SLC6A15: variants seen among roughly 807,000 people sequenced by gnomAD.
The protein encoded by SLC6A15 is sodium-dependent neutral amino acid transporter B(0)AT2.
SLC6A15 carries 33 observed loss-of-function variants against 68.5 expected under a neutral mutation model. The ratio of observed to expected loss-of-function variants is 0.48; its 90% CI spans 0.37 to 0.64. SLC6A15 has a LOEUF of 0.64. Among genes scored for constraint, SLC6A15 ranks in the 30% least tolerant of loss-of-function variants. SLC6A15 has a pLI of 0.00. For synonymous variants in SLC6A15, 347 were observed against 301.0 expected, an observed-to-expected ratio of 1.15 and a Z score of -1.58; for missense variants, 747 against 874.3, an observed-to-expected ratio of 0.85 and a Z score of 1.84.
intron 11 of SLC6A15, among the ~76,000 whole-genome samples, chr12:84,862,354 C>T (rs1471123806): frequency 6.6e-6 from 1 of 152,150 alleles, no homozygotes; most frequent in Non-Finnish European, 1.5e-5. Context: ...AGCCACAGAA[C>T]TGTAAGAAAT....
chr12:84,883,089 TA>T, intron 5 of SLC6A15: 4 of 981,448 alleles, frequency 4.1e-6, no homozygotes, highest in South Asian at 9.4e-5. Flanking sequence ...GAGCCAACAG[TA>T]AATTCTTGCT....
intron 5 of SLC6A15, chr12:84,883,297 C>T: frequency 1.0e-6 from 1 of 986,104 alleles, no homozygotes; most frequent in Non-Finnish European, 1.2e-6. Flanking sequence ...TTTCAATTTG[C>T]CTTAGAAGGA....
chr12:84,872,264 C>T (rs1871318196), intron 8 of SLC6A15, among the ~76,000 whole-genome samples: 1 of 151,812 alleles, frequency 6.6e-6, no homozygotes, highest in African/African-American at 2.4e-5. Context: ...TAAATGAGAG[C>T]CATAATTCTA....
Position 84,885,556 on chromosome 12 carries a change from G to C in SLC6A15, c.453C>G (p.Cys151Trp), listed in dbSNP as rs1872060287. The change falls in exon 4 of 12, where the codon TGC becomes TGG. Residue 151 changes from cysteine (C) to tryptophan (W), a missense_variant. Coordinates refer to ENST00000266682, the MANE Select transcript of SLC6A15 (RefSeq NM_182767.6). ...CGTTGTAGTAGAGAGCTACAAAATA[G>C]CACACCTGCAAAATAAAATGATATC... Reference protein sequence around the residue: ...GGIGFASCVVCYFVALYYNVI... With the variant: ...GGIGFASCVVWYFVALYYNVI... 5 of 1,611,890 alleles carry C rather than the reference G, an allele frequency of 3.1e-6. No individual in the cohort carries two copies. Among genetic ancestry groups the C allele is most frequent in the Non-Finnish European group, 4.2e-6 (5 of 1,179,136 alleles).
At chr12:84,865,962 T>C (rs1043836607) in intron 10 of SLC6A15, among the ~76,000 whole-genome samples, 1 of 152,204 alleles carries the variant, frequency 6.6e-6, no homozygotes, top group Non-Finnish European at 1.5e-5. Context: ...AGTAGCATGA[T>C]TGCTGGATTA....
At chr12:84,888,457 C>T (rs1872224674) in intron 2 of SLC6A15, among the ~76,000 whole-genome samples, 1 of 151,998 alleles carries the variant, frequency 6.6e-6, no homozygotes, top group South Asian at 2.1e-4. Flanking sequence ...TAATGCCCTT[C>T]ATATTAAATT....
chr12:84,896,158 A>G (rs1246905778), intron 1 of SLC6A15, among the ~76,000 whole-genome samples: 2 of 152,188 alleles, frequency 1.3e-5, no homozygotes, highest in East Asian at 3.9e-4. Context: ...ACTGCACTTC[A>G]TCTGCACCGA....
chr12:84,907,315 T>C (rs927644584), intron 1 of SLC6A15, among the ~76,000 whole-genome samples: 1 of 150,272 alleles, frequency 6.7e-6, no homozygotes, highest in Admixed American at 6.6e-5. Context: ...GCCACTGAAC[T>C]CCAGCCTGGG....
intron 2 of SLC6A15, among the ~76,000 whole-genome samples, chr12:84,887,757 T>C (rs1872184689): frequency 6.6e-6 from 1 of 152,132 alleles, no homozygotes; most frequent in South Asian, 2.1e-4. Context: ...TTAGGGATTT[T>C]TTTCCAGTCA....
intron 5 of SLC6A15, chr12:84,881,359 A>G (rs2120622148): frequency 4.3e-6 from 3 of 700,982 alleles, no homozygotes; most frequent in South Asian, 6.4e-5. Context: ...AATACCCACT[A>G]TTTGATCATA....
intron 4 of SLC6A15, among the ~76,000 whole-genome samples, chr12:84,884,491 A>C (rs879339436): frequency 5.3e-5 from 8 of 151,972 alleles, no homozygotes; most frequent in Non-Finnish European, 1.2e-4. Flanking sequence ...TTTTTAGTAG[A>C]GATGTTGTTT....
intron 2 of SLC6A15, among the ~76,000 whole-genome samples, chr12:84,891,503 T>C (rs755150756): frequency 6.6e-6 from 1 of 152,206 alleles, no homozygotes; most frequent in Non-Finnish European, 1.5e-5. Context: ...CTTTAGGTTA[T>C]TCTTCAAAGG....
At chr12:84,904,224 GGAGAGAGAGA>G (rs370457657) in intron 1 of SLC6A15, among the ~76,000 whole-genome samples, 1 of 121,996 alleles carries the variant, frequency 8.2e-6, no homozygotes, top group East Asian at 2.4e-4. Flanking sequence ...GGGCGGAGGG[GGAGAGAGAGA>G]GAGAGAGAGA....
intron 1 of SLC6A15, among the ~76,000 whole-genome samples, chr12:84,904,050 G>T (rs755398856): frequency 3.0e-4 from 45 of 152,044 alleles, no homozygotes; most frequent in Admixed American, 1.2e-3. Context: ...GGTTTGCTTT[G>T]ACCAGAAGGT....
At chr12:84,891,409 T>G (rs570357719) in intron 2 of SLC6A15, among the ~76,000 whole-genome samples, 1 of 152,130 alleles carries the variant, frequency 6.6e-6, no homozygotes, top group Non-Finnish European at 1.5e-5. Flanking sequence ...TTTTGAAGAA[T>G]GAGGCAACTT....
At chr12:84,875,699 TG>T (rs62858161) in intron 6 of SLC6A15, among the ~76,000 whole-genome samples, 3,951 of 13,628 alleles carry the variant, frequency 0.29, 1,320 homozygotes, top group South Asian at 0.39. Flanking sequence ...TATATATATA[TG>T]AGAATCAAAA....
At chr12:84,911,798 A>T (rs928574493) in intron 1 of SLC6A15, 2 of 152,410 alleles carry the variant, frequency 1.3e-5, no homozygotes, top group African/African-American at 4.8e-5. Context: ...CCATCTTCTT[A>T]CAGTCCCAGC....
chr12:84,861,695 T>C lies in SLC6A15; in HGVS notation c.2130A>G (p.Gly710=), dbSNP rs749088315. ...GSPTLDTAPN[G]RYGIGYLMAD... is the part of the protein sequence containing the mutation. Reference sequence around the variant, plus strand: ...CCATCAAGTACCCTATTCCATACCGTCCATTGGGAGCAGTATCCAGAGTTG... The same window carrying C: ...CCATCAAGTACCCTATTCCATACCGCCCATTGGGAGCAGTATCCAGAGTTG... Residue 710 remains glycine (G), a synonymous_variant, in exon 12 of 12, where the codon GGA becomes GGG. Transcript: ENST00000266682. The C allele has an allele frequency of 1.2e-6, 2 of 1,613,868 alleles. No individual in the cohort carries two copies. The highest frequency in any genetic ancestry group is 1.7e-6 in the Non-Finnish European group (2 of 1,179,844).
chr12:84,871,132 G>GTT (rs925341103), intron 8 of SLC6A15, among the ~76,000 whole-genome samples: 18 of 150,232 alleles, frequency 1.2e-4, no homozygotes, highest in African/African-American at 3.0e-4. Context: ...ATCAATTGTT[G>GTT]TTATATATAT....
Sources: allele counts gnomAD v4.1 joint callset (sites outside exome capture counted in the v4.1 genomes callset), GRCh38; gene constraint gnomAD v4.1.1; transcripts MANE v1.5; gene names NCBI Gene and HGNC (gene_info 2026-07-23, HGNC 2026-07-21).